The following MAD1L1 variants were observed in gnomAD, a reference collection of about 807,000 sequenced individuals.
The protein encoded by MAD1L1 is mitotic spindle assembly checkpoint protein MAD1.
In MAD1L1, 95 loss-of-function variants were observed where a neutral mutation model predicts 96.9. The observed-to-expected ratio is 0.98, with a 90% CI of 0.83 to 1.16. The LOEUF is 1.16. Ranked by LOEUF, MAD1L1 falls within the 50% of genes most tolerant of loss-of-function variation. The pLI is 0.00. For synonymous variants in MAD1L1, 473 were observed against 396.6 expected, an observed-to-expected ratio of 1.19 and a Z score of -2.29; for missense variants, 1,007 against 954.4, an observed-to-expected ratio of 1.06 and a Z score of -0.73.
intron 15 of MAD1L1, among the ~76,000 whole-genome samples, chr7:1,977,357 G>C (rs927211439): frequency 6.6e-6 from 1 of 152,264 alleles, no homozygotes; most frequent in African/African-American, 2.4e-5. Context: ...TGCTGGCCCA[G>C]GTGCTAAGCC....
At chr7:1,889,285 G>C (rs1190033324) in intron 18 of MAD1L1, among the ~76,000 whole-genome samples, 1 of 152,230 alleles carries the variant, frequency 6.6e-6, no homozygotes, top group Non-Finnish European at 1.5e-5. Context: ...CACCGCCAAA[G>C]ACCACCTCCA....
At chr7:2,052,090 G>T (rs141778261) in intron 12 of MAD1L1, among the ~76,000 whole-genome samples, 1 of 152,088 alleles carries the variant, frequency 6.6e-6, no homozygotes, top group African/African-American at 2.4e-5. Context: ...AGGAGCCCCC[G>T]GCAGGCCAAG....
intron 12 of MAD1L1, among the ~76,000 whole-genome samples, chr7:2,016,688 T>TCC (rs1782557550): frequency 0.026 from 6 of 234 alleles, no homozygotes; most frequent in African/African-American, 0.038. Flanking sequence ...TCTCCTGCCG[T>TCC]CTGTCTCTTG....
chr7:2,215,031 G>C (rs530915173), intron 9 of MAD1L1, among the ~76,000 whole-genome samples: 2 of 152,152 alleles, frequency 1.3e-5, no homozygotes, highest in African/African-American at 4.8e-5. Flanking sequence ...CAGGAGTTCA[G>C]GACCAGCCTA....
chr7:2,053,842 T>C (rs1482143431), intron 12 of MAD1L1, among the ~76,000 whole-genome samples: 2 of 152,200 alleles, frequency 1.3e-5, no homozygotes, highest in Non-Finnish European at 2.9e-5. Flanking sequence ...AAAAAGAAAG[T>C]AGACCTGGCT....
intron 7 of MAD1L1, among the ~76,000 whole-genome samples, chr7:2,217,143 C>T (rs1020942327): frequency 6.6e-6 from 1 of 152,226 alleles, no homozygotes; most frequent in South Asian, 2.1e-4. Flanking sequence ...TCTAGCAGCA[C>T]GTGTGACAGC....
intron 12 of MAD1L1, among the ~76,000 whole-genome samples, chr7:2,031,083 C>T (rs913947450): frequency 7.2e-5 from 11 of 152,238 alleles, no homozygotes; most frequent in African/African-American, 2.7e-4. Flanking sequence ...ATCCTCCCTC[C>T]AGCAGCCAGC....
intron 10 of MAD1L1, among the ~76,000 whole-genome samples, chr7:2,183,886 A>G (rs1440506821): frequency 1.3e-5 from 2 of 152,094 alleles, no homozygotes; most frequent in East Asian, 1.9e-4. Flanking sequence ...CATGTACCCT[A>G]AAACTTAAAG....
intron 14 of MAD1L1, among the ~76,000 whole-genome samples, chr7:1,980,952 C>T (rs547769821): frequency 6.6e-6 from 1 of 152,238 alleles, no homozygotes; most frequent in South Asian, 2.1e-4. Context: ...CTGCACCGCC[C>T]GGGAGGGAGC....
chr7:2,205,988 CG>C (rs1406567743), intron 10 of MAD1L1, among the ~76,000 whole-genome samples: 1 of 152,012 alleles, frequency 6.6e-6, no homozygotes, highest in Non-Finnish European at 1.5e-5. Flanking sequence ...AAAAATTAGC[CG>C]GGTGTGGTGG....
chr7:1,845,757 G>A (rs957961622), intron 18 of MAD1L1: 1 of 152,620 alleles, frequency 6.6e-6, no homozygotes, highest in African/African-American at 2.4e-5. Context: ...GGCTCACGGG[G>A]AGGAGCGCGC....
chr7:1,816,046 C>T lies in MAD1L1; in HGVS notation c.*24G>A, dbSNP rs761003865. 15 of 1,590,624 alleles carry T rather than the reference C, an allele frequency of 9.4e-6. No individual in the cohort carries two copies. The highest frequency in any genetic ancestry group is 4.5e-5 in the East Asian group (2 of 44,440). ...CAGGTCAGGCCAAGCAGAGTGGCTC[C>T]GGCTATGCCCCCGAGCCTGCAGGCT... On this transcript the variant is annotated 3_prime_UTR_variant, in exon 19 of 19. Coordinates refer to ENST00000265854, the MANE Select transcript of MAD1L1 (RefSeq NM_001013836.2).
chr7:2,185,369 C>T (rs931823947), intron 10 of MAD1L1, among the ~76,000 whole-genome samples: 1 of 152,120 alleles, frequency 6.6e-6, no homozygotes, highest in African/African-American at 2.4e-5. Flanking sequence ...ATTGAAGGGA[C>T]GAGAAGGAAC....
At chr7:2,153,333 A>G (rs1014265686) in intron 10 of MAD1L1, among the ~76,000 whole-genome samples, 2 of 152,214 alleles carry the variant, frequency 1.3e-5, no homozygotes, top group African/African-American at 4.8e-5. Flanking sequence ...AGAAACTCAA[A>G]TAACAACAAT....
At chr7:2,065,702 T>C (rs746841480) in intron 12 of MAD1L1, among the ~76,000 whole-genome samples, 7 of 152,122 alleles carry the variant, frequency 4.6e-5, no homozygotes, top group Non-Finnish European at 8.8e-5. Flanking sequence ...ACAACCACAG[T>C]CTGTGCTCAG....
chr7:2,020,865 T>C (rs760977182), intron 12 of MAD1L1, among the ~76,000 whole-genome samples: 4 of 151,366 alleles, frequency 2.6e-5, no homozygotes, highest in East Asian at 1.9e-4. Flanking sequence ...ATTAATTTAA[T>C]GGTTAGAGTA....
At chr7:2,204,472 A>G (rs1348199440) in intron 10 of MAD1L1, among the ~76,000 whole-genome samples, 1 of 152,238 alleles carries the variant, frequency 6.6e-6, no homozygotes, top group African/African-American at 2.4e-5. Flanking sequence ...ATCATATCCC[A>G]GCACGAGACT....
chr7:1,920,596 G>A (rs1021844746), intron 17 of MAD1L1, among the ~76,000 whole-genome samples: 6 of 152,216 alleles, frequency 3.9e-5, no homozygotes, highest in African/African-American at 1.2e-4. Context: ...AGTGGGTACA[G>A]ACGCACAGCC....
intron 11 of MAD1L1, among the ~76,000 whole-genome samples, chr7:2,077,665 G>C (rs1384154092): frequency 1.3e-5 from 2 of 152,262 alleles, no homozygotes; most frequent in African/African-American, 4.8e-5. Context: ...GAGACAAAAA[G>C]CAGTGCCGTT....
Sources: gnomAD v4.1 joint callset for allele counts (sites outside exome capture counted in the v4.1 genomes callset) on GRCh38, gnomAD v4.1.1 for gene constraint, MANE v1.5 for transcripts, NCBI Gene and HGNC (gene_info 2026-07-23, HGNC 2026-07-21) for gene names.